PHC2: variants seen among roughly 807,000 people sequenced by gnomAD.
PHC2 encodes the protein polyhomeotic-like protein 2.
In PHC2, 29 loss-of-function variants were observed where a neutral mutation model predicts 87.4. The observed-to-expected ratio is 0.33, with a 90% CI of 0.25 to 0.45. PHC2 has a LOEUF of 0.45. PHC2 is among the 20% of genes least tolerant of loss of function. The pLI is 1.00. For missense variants in PHC2, 857 were observed against 1,136.7 expected (o/e 0.75, Z 3.54); for synonymous variants, 438 against 461.7 (o/e 0.95, Z 0.66).
At chr1:33,344,495 T>C (rs1646808906) in intron 9 of PHC2, among the ~76,000 whole-genome samples, 1 of 152,248 alleles carries the variant, frequency 6.6e-6, no homozygotes, top group Non-Finnish European at 1.5e-5. Context: ...CTTTCCTCCT[T>C]ATAACCATTG....
At chr1:33,412,704 C>G (rs1201082032) in intron 1 of PHC2, among the ~76,000 whole-genome samples, 1 of 152,190 alleles carries the variant, frequency 6.6e-6, no homozygotes, top group African/African-American at 2.4e-5. Context: ...TTCGGTGCAA[C>G]TTATCTCTAA....
chr1:33,409,495 AG>A (rs1282400721), intron 1 of PHC2, among the ~76,000 whole-genome samples: 1 of 152,242 alleles, frequency 6.6e-6, no homozygotes, highest in Non-Finnish European at 1.5e-5. Context: ...CTAGGATAAC[AG>A]GTTTTTTCTT....
At chr1:33,427,006 T>C (rs1650700457) in intron 1 of PHC2, among the ~76,000 whole-genome samples, 1 of 152,158 alleles carries the variant, frequency 6.6e-6, no homozygotes, top group Non-Finnish European at 1.5e-5. Context: ...CTGCACAGGC[T>C]GCATACCCAC....
Position 33,371,060 on chromosome 1 carries a change from G to A in PHC2, c.368C>T (p.Ser123Leu). The stretch of plus-strand genomic sequence containing the variant: ...GGCCTGCGCAGACACATTGCTGCCT[G>A]AAGTGCTTCCTTGTCTATTGGATAC... ...SLVSNRQGST[S>L]GSNVSAQAPA... Residue 123 changes from serine (S) to leucine (L), a missense_variant, in exon 4 of 15, where the codon TCA becomes TTA. Ser to Leu is a moderately radical substitution (Grantham distance 145). Transcript: ENST00000683057. The A allele has an allele frequency of 6.2e-7, 1 of 1,614,066 alleles. No individual in the cohort carries two copies. Among genetic ancestry groups the A allele is most frequent in the Non-Finnish European group, 8.5e-7 (1 of 1,179,996 alleles).
chr1:33,326,075 T>C, intron 14 of PHC2: 1 of 344,192 alleles, frequency 2.9e-6, no homozygotes, highest in Non-Finnish European at 5.8e-6. Context: ...AAGTTGAATG[T>C]ACCTCATGAA....
chr1:33,424,097 C>CAAAAAAAA (rs11322060), intron 1 of PHC2, among the ~76,000 whole-genome samples: 1 of 108,724 alleles, frequency 9.2e-6, no homozygotes, highest in Non-Finnish European at 1.9e-5. Context: ...GACTCCGTCT[C>CAAAAAAAA]AAAAAAAAAA....
intron 1 of PHC2, among the ~76,000 whole-genome samples, chr1:33,415,331 A>C (rs970575421): frequency 6.6e-6 from 1 of 152,194 alleles, no homozygotes; most frequent in African/African-American, 2.4e-5. Flanking sequence ...CAGGGCTGTA[A>C]ATAGTTTGTG....
intron 7 of PHC2, among the ~76,000 whole-genome samples, chr1:33,365,071 G>A (rs1472829653): frequency 6.6e-6 from 1 of 152,204 alleles, no homozygotes; most frequent in African/African-American, 2.4e-5. Flanking sequence ...AACAGTGTTT[G>A]ACTCAGCCAG....
chr1:33,415,117 C>T (rs982024405), intron 1 of PHC2, among the ~76,000 whole-genome samples: 1 of 152,140 alleles, frequency 6.6e-6, no homozygotes, highest in African/African-American at 2.4e-5. Flanking sequence ...ATGGATCTCA[C>T]CGAGTCGAGG....
chr1:33,404,929 T>C (rs1369708955), intron 1 of PHC2, among the ~76,000 whole-genome samples: 2 of 152,166 alleles, frequency 1.3e-5, no homozygotes, highest in Non-Finnish European at 2.9e-5. Context: ...GAAGACCCTA[T>C]GAGAGAAACA....
At chr1:33,379,710 C>A (rs551060642) in intron 1 of PHC2, among the ~76,000 whole-genome samples, 238 of 150,814 alleles carry the variant, frequency 1.6e-3, no homozygotes, top group African/African-American at 5.5e-3. Flanking sequence ...CTCTGGAATA[C>A]GAGCACGTCC....
chr1:33,346,133 G>C, intron 9 of PHC2: 10 of 985,122 alleles, frequency 1.0e-5, no homozygotes, highest in Non-Finnish European at 1.2e-5. Flanking sequence ...TCCCCAAAGA[G>C]AGAGCCATTT....
chr1:33,423,535 T>C (rs1181191545), intron 1 of PHC2, among the ~76,000 whole-genome samples: 1 of 152,222 alleles, frequency 6.6e-6, no homozygotes, highest in South Asian at 2.1e-4. Flanking sequence ...TATGGCTTTA[T>C]GGACCAATGA....
intron 1 of PHC2, among the ~76,000 whole-genome samples, chr1:33,407,945 C>T (rs931970706): frequency 1.3e-5 from 2 of 152,126 alleles, no homozygotes; most frequent in African/African-American, 4.8e-5. Flanking sequence ...TCTGGCCTGT[C>T]CCTGATCATG....
intron 1 of PHC2, 80 bp from the exon 2 acceptor site, chr1:33,375,673 T>C: frequency 1.1e-6 from 1 of 911,506 alleles, no homozygotes; most frequent in Non-Finnish European, 1.6e-6. Flanking sequence ...TTTGTATCTG[T>C]GGGTTCCACA....
intron 1 of PHC2, among the ~76,000 whole-genome samples, chr1:33,405,535 T>G (rs554336185): frequency 1.3e-5 from 2 of 152,170 alleles, no homozygotes; most frequent in Non-Finnish European, 1.5e-5. Flanking sequence ...TGGCTTTGTA[T>G]ATCCTCTCTA....
intron 9 of PHC2, among the ~76,000 whole-genome samples, chr1:33,338,906 T>C (rs1646692869): frequency 6.6e-6 from 1 of 152,144 alleles, no homozygotes; most frequent in Admixed American, 6.6e-5. Flanking sequence ...TCTTGGCCTT[T>C]AGTTGACGCT....
In PHC2 at chr1:33,367,550, G is replaced by A. The variant is rs1222358481; in HGVS notation, c.664-122C>T. On this transcript the variant is annotated intron_variant, in intron 6 of 14. Transcript: ENST00000683057. ...AATAGAACAGGAGGTTGTCAAATCA[G>A]AGAGAGAGAATGTGTTAGGGGCTAG... 1.3e-5 allele frequency: 10 copies of A among 774,692 alleles called. No homozygotes were observed. The South Asian group carries it at 2.1e-4, about 16-fold the overall frequency. 48.0% of individuals were successfully genotyped at this position (774,692 alleles called of 1,614,324 possible). A position where few individuals can be genotyped will look rare whatever the true frequency, so the allele number is the denominator to read the frequency against.
chr1:33,375,253 G>T, intron 2 of PHC2, 113 bp downstream of exon 2: 1 of 848,018 alleles, frequency 1.2e-6, no homozygotes, highest in Non-Finnish European at 1.7e-6. Context: ...ACTCCCATAT[G>T]CCCGTTCTAG....
Sources: gnomAD v4.1 joint callset for allele counts (sites outside exome capture counted in the v4.1 genomes callset) on GRCh38, gnomAD v4.1.1 for gene constraint, MANE v1.5 for transcripts, NCBI Gene and HGNC (gene_info 2026-07-23, HGNC 2026-07-21) for gene names.